RALY: variants seen among roughly 807,000 people sequenced by gnomAD.
RALY encodes the protein RNA-binding protein Raly.
Under a neutral mutation model 30.7 loss-of-function variants are expected in RALY, and 15 were observed. The ratio of observed to expected loss-of-function variants is 0.49; its 90% CI spans 0.33 to 0.75. RALY has a LOEUF of 0.75. Among genes scored for constraint, RALY ranks in the 30% least tolerant of loss-of-function variants. The pLI is 0.02. For synonymous variants in RALY, 177 were observed against 170.8 expected, an observed-to-expected ratio of 1.04 and a Z score of -0.28; for missense variants, 339 against 414.3, an observed-to-expected ratio of 0.82 and a Z score of 1.58.
intron 4 of RALY, 84 bp downstream of exon 4, chr20:34,073,719 T>C: frequency 3.2e-6 from 5 of 1,545,488 alleles, no homozygotes; most frequent in Non-Finnish European, 4.5e-6. Flanking sequence ...GACAGTGTGC[T>C]GAATCTAGAA....
chr20:34,033,514 G>T (rs552181014), intron 2 of RALY, among the ~76,000 whole-genome samples: 1 of 152,304 alleles, frequency 6.6e-6, no homozygotes, highest in East Asian at 1.9e-4. Flanking sequence ...GGGAACTGCT[G>T]TGGGTAGAAA....
intron 2 of RALY, among the ~76,000 whole-genome samples, chr20:34,043,659 G>T (rs2032778394): frequency 6.6e-6 from 1 of 152,096 alleles, no homozygotes; most frequent in South Asian, 2.1e-4. Context: ...TGTTCCATGG[G>T]GGTTCATACT....
intron 1 of RALY, among the ~76,000 whole-genome samples, chr20:34,023,088 A>G (rs2031889360): frequency 6.6e-6 from 1 of 152,228 alleles, no homozygotes; most frequent in Non-Finnish European, 1.5e-5. Flanking sequence ...TGTGTAGTTC[A>G]GTACAGACAA....
At chr20:34,055,460 A>G (rs1003312122) in intron 2 of RALY, among the ~76,000 whole-genome samples, 1 of 152,258 alleles carries the variant, frequency 6.6e-6, no homozygotes, top group Middle Eastern at 3.4e-3. Flanking sequence ...GGGGTGGGGC[A>G]TGGGGGCTGT....
At chr20:34,030,140 C>T (rs2032215185) in intron 1 of RALY, among the ~76,000 whole-genome samples, 1 of 152,138 alleles carries the variant, frequency 6.6e-6, no homozygotes, top group African/African-American at 2.4e-5. Flanking sequence ...AACAAGAGAA[C>T]ATGTTTCCTG....
intron 2 of RALY, among the ~76,000 whole-genome samples, chr20:34,032,708 A>G (rs565997037): frequency 6.6e-6 from 1 of 152,234 alleles, no homozygotes; most frequent in East Asian, 1.9e-4. Flanking sequence ...AGGAACTGAA[A>G]TAATTTGCCC....
intron 2 of RALY, among the ~76,000 whole-genome samples, chr20:34,032,010 T>C (rs953226031): frequency 5.3e-5 from 8 of 152,222 alleles, no homozygotes; most frequent in African/African-American, 1.9e-4. Context: ...TTGCCCAGAC[T>C]GCAGTGCAAT....
chr20:34,000,151 C>G (rs893827513), intron 1 of RALY, among the ~76,000 whole-genome samples: 18 of 152,218 alleles, frequency 1.2e-4, no homozygotes, highest in Admixed American at 1.2e-3. Flanking sequence ...TACAACTTCC[C>G]CCTGGGTACT....
At chr20:34,069,521 CAAAA>C (rs1234711062) in intron 2 of RALY, among the ~76,000 whole-genome samples, 2 of 152,122 alleles carry the variant, frequency 1.3e-5, no homozygotes, top group East Asian at 3.9e-4. Flanking sequence ...CTCCCTAGGC[CAAAA>C]CTATAGCACT....
chr20:34,020,040 A>G (rs4911397), intron 1 of RALY, among the ~76,000 whole-genome samples: 112,113 of 151,394 alleles, frequency 0.74, 41,950 homozygotes, highest in South Asian at 0.85. Flanking sequence ...CAGCCTGGGC[A>G]ACAGAGCAAG....
At chr20:34,057,899 A>C (rs916108406) in intron 2 of RALY, among the ~76,000 whole-genome samples, 1 of 152,180 alleles carries the variant, frequency 6.6e-6, no homozygotes, top group Non-Finnish European at 1.5e-5. Context: ...GAGTTTAATG[A>C]GATGTCCAAG....
intron 2 of RALY, among the ~76,000 whole-genome samples, chr20:34,065,715 A>T (rs2033551019): frequency 6.6e-6 from 1 of 152,220 alleles, no homozygotes; most frequent in Non-Finnish European, 1.5e-5. Flanking sequence ...TAGTCTTCCC[A>T]TCACTAGTAG....
chr20:34,060,285 A>G (rs2033378238), intron 2 of RALY, among the ~76,000 whole-genome samples: 1 of 152,226 alleles, frequency 6.6e-6, no homozygotes, highest in South Asian at 2.1e-4. Flanking sequence ...TGAAAATCCA[A>G]AATTCTCCAA....
chr20:34,062,505 C>T (rs932591269), intron 2 of RALY, among the ~76,000 whole-genome samples: 2 of 152,220 alleles, frequency 1.3e-5, no homozygotes, highest in African/African-American at 4.8e-5. Flanking sequence ...GGGGCCTGCT[C>T]ACAAAATCAG....
intron 3 of RALY, among the ~76,000 whole-genome samples, chr20:34,072,794 G>C (rs2033764501): frequency 6.6e-6 from 1 of 152,192 alleles, no homozygotes; most frequent in African/African-American, 2.4e-5. Flanking sequence ...CAGTGTTCAT[G>C]CATGTGCATT....
At chr20:34,022,920 A>G (rs1007273172) in intron 1 of RALY, among the ~76,000 whole-genome samples, 3 of 152,164 alleles carry the variant, frequency 2.0e-5, no homozygotes, top group Non-Finnish European at 2.9e-5. Context: ...GAATATTAGT[A>G]TATGCTCAAA....
intron 1 of RALY, among the ~76,000 whole-genome samples, chr20:34,021,878 A>T (rs1456285518): frequency 1.3e-5 from 2 of 151,322 alleles, no homozygotes; most frequent in East Asian, 1.9e-4. Flanking sequence ...TTATTAAAAA[A>T]ATTTTTTTTA....
intron 2 of RALY, among the ~76,000 whole-genome samples, chr20:34,052,729 C>G (rs907651285): frequency 6.6e-6 from 1 of 152,224 alleles, no homozygotes; most frequent in Non-Finnish European, 1.5e-5. Flanking sequence ...GAACTCTGTT[C>G]TTCCTGCTGT....
At chr20:34,002,069 G>A (rs1035815493) in intron 1 of RALY, among the ~76,000 whole-genome samples, 2 of 152,102 alleles carry the variant, frequency 1.3e-5, no homozygotes, top group South Asian at 4.1e-4. Context: ...GCCTGACCAC[G>A]TCGTTTCCTT....
Sources: gnomAD v4.1 joint callset for allele counts (sites outside exome capture counted in the v4.1 genomes callset) on GRCh38, gnomAD v4.1.1 for gene constraint, MANE v1.5 for transcripts, NCBI Gene and HGNC (gene_info 2026-07-23, HGNC 2026-07-21) for gene names.